Variants in RAD51 observed in about 807,000 individuals in gnomAD.
RAD51 encodes RAD51 recombinase.
In RAD51, 14 loss-of-function variants were observed where a neutral mutation model predicts 41.5. The observed-to-expected ratio is 0.34, with a 90% confidence interval of 0.22 to 0.53. The LOEUF (loss-of-function observed/expected upper bound fraction) is 0.53, where lower values mean the gene tolerates loss of function less well. RAD51 is among the 20% of genes least tolerant of loss of function. The pLI is 0.95. For synonymous variants in RAD51, 136 were observed against 148.6 expected, an observed-to-expected ratio of 0.92 and a Z score of 0.62; for missense variants, 234 against 422.0, an observed-to-expected ratio of 0.55 and a Z score of 3.90.
chr15:40,721,326 G>C (rs1384858599), intron 6 of RAD51, among the ~76,000 whole-genome samples: 2 of 152,080 alleles, frequency 1.3e-5, no homozygotes, highest in South Asian at 4.1e-4. Flanking sequence ...ACCCAGAATA[G>C]CCGAAATGTC....
rs12593359 is a variant in RAD51, at chr15:40,731,680, T to G, written c.*502T>G. ...TCTGTCTGAATGATCTTGTGTAAGG[T>G]TTTGGTTATGGAGTCTTGTGCCAAA... On this transcript the variant is annotated 3_prime_UTR_variant, in exon 10 of 10. Transcript: ENST00000267868. 0.52 allele frequency: 124,536 copies of G among 239,908 alleles called. 34,095 individuals carry two copies. The highest frequency in any genetic ancestry group is 0.83 in the East Asian group (13,978 of 16,798). 14.9% of individuals were successfully genotyped at this position (239,908 alleles called of 1,614,324 possible). A position where few individuals can be genotyped will look rare whatever the true frequency, so the allele number is the denominator to read the frequency against.
intron 6 of RAD51, among the ~76,000 whole-genome samples, chr15:40,724,669 T>A (rs1266912946): frequency 8.0e-6 from 1 of 124,632 alleles, no homozygotes; most frequent in Non-Finnish European, 1.7e-5. Flanking sequence ...CTAATTTTTT[T>A]ATTTCTTTTT....
chr15:40,729,144 G>C (rs1253597512), intron 7 of RAD51, among the ~76,000 whole-genome samples: 5 of 152,018 alleles, frequency 3.3e-5, no homozygotes, highest in Admixed American at 1.3e-4. Flanking sequence ...AGGCCAAGGC[G>C]GGTGGATCAC....
rs57056143 is a variant in RAD51 at position 40,712,077 on chromosome 15, C to CAA, written c.435+2976_435+2977dup. Among the ~76,000 whole-genome samples, 620 of 107,338 alleles carry CAA rather than the reference C, an allele frequency of 5.8e-3. 5 individuals are homozygous for CAA. The highest frequency in any genetic ancestry group is 0.025 in the East Asian group (115 of 4,558). 70.4% of individuals were successfully genotyped at this position (107,338 alleles called of 152,430 possible). On this transcript the variant is annotated intron_variant, in intron 5 of 9. Coordinates refer to ENST00000267868, the MANE Select transcript of RAD51 (RefSeq NM_002875.5). The stretch of plus-strand genomic sequence containing the variant: ...ACAGAGCAAGATTTTGTCTCCATCT[C>CAA]AAAAAAAAAAAAAAAATTAAGATCC...
chr15:40,716,427 C>T (rs1186012112), intron 5 of RAD51, among the ~76,000 whole-genome samples: 1 of 151,786 alleles, frequency 6.6e-6, no homozygotes, highest in African/African-American at 2.4e-5. Context: ...AGTGCAGTGG[C>T]ATGATATCGC....
intron 6 of RAD51, among the ~76,000 whole-genome samples, chr15:40,726,527 T>A (rs186200582): frequency 6.6e-6 from 1 of 152,084 alleles, no homozygotes; most frequent in Admixed American, 6.5e-5. Flanking sequence ...GTGCTGAGAT[T>A]ACAGGCATGA....
chr15:40,723,457 T>C (rs1896382594), intron 6 of RAD51, among the ~76,000 whole-genome samples: 1 of 152,096 alleles, frequency 6.6e-6, no homozygotes, highest in African/African-American at 2.4e-5. Context: ...TAAACAAAAT[T>C]TGTTTTCTCC....
chr15:40,727,860 C>CT (rs754071390), intron 6 of RAD51, among the ~76,000 whole-genome samples: 35,505 of 132,156 alleles, frequency 0.27, 5,833 homozygotes, highest in East Asian at 0.66. Context: ...TAAACATTCT[C>CT]TTTTTTTTTT....
chr15:40,720,851 A>G (rs1375667657), intron 6 of RAD51, among the ~76,000 whole-genome samples: 1 of 152,252 alleles, frequency 6.6e-6, no homozygotes, highest in Non-Finnish European at 1.5e-5. Flanking sequence ...AAAGAGAAGC[A>G]TTCCACATCA....
At chr15:40,716,653 ACTT>A (rs1896002435) in intron 5 of RAD51, among the ~76,000 whole-genome samples, 2 of 122,220 alleles carry the variant, frequency 1.6e-5, no homozygotes, top group Admixed American at 9.4e-5. Context: ...TGGCCTCTCT[ACTT>A]CTTTTTTTTT....
intron 2 of RAD51, 64 bp from the exon 3 acceptor site, chr15:40,701,000 A>G: frequency 3.1e-6 from 5 of 1,588,326 alleles, no homozygotes; most frequent in African/African-American, 1.3e-5. Context: ...TGTAGGACAC[A>G]TAACATCTGT....
chr15:40,706,824 GTGT>G (rs1731781316), intron 4 of RAD51, among the ~76,000 whole-genome samples: 1 of 152,146 alleles, frequency 6.6e-6, no homozygotes, highest in South Asian at 2.1e-4. Flanking sequence ...ATTTAATATT[GTGT>G]TAAGAGAGTA....
chr15:40,731,642 G>A lies in RAD51; in HGVS notation c.*464G>A. 1 of 246,274 alleles carries A rather than the reference G, an allele frequency of 4.1e-6. No individual in the cohort carries two copies. Among genetic ancestry groups the A allele is most frequent in the Non-Finnish European group, 8.0e-6 (1 of 124,484 alleles). The allele number at this position is 246,274 out of a possible 1,614,324, so 15.3% of individuals were successfully genotyped here. A position where few individuals can be genotyped will look rare whatever the true frequency, so the allele number is the denominator to read the frequency against. ...TTTCTGTCAGTAAAACTCTCAAGCA[G>A]GTTTTTAAGTTGTCTGTCTGAATGA... is the stretch of plus-strand genomic sequence containing the variant. On this transcript the variant is annotated 3_prime_UTR_variant, in exon 10 of 10. Coordinates refer to ENST00000267868, the MANE Select transcript of RAD51 (RefSeq NM_002875.5).
intron 5 of RAD51, among the ~76,000 whole-genome samples, chr15:40,713,810 A>G (rs569670506): frequency 6.6e-6 from 1 of 151,108 alleles, no homozygotes; most frequent in East Asian, 2.0e-4. Flanking sequence ...TTTTCACCGT[A>G]TTAGCCAGGA....
chr15:40,720,572 G>A (rs45571032), intron 6 of RAD51, among the ~76,000 whole-genome samples: 3,996 of 152,196 alleles, frequency 0.026, 170 homozygotes, highest in African/African-American at 0.092. Flanking sequence ...GGTGCCATAT[G>A]TAGAAAATCC....
At chr15:40,701,839 A>G in intron 3 of RAD51, 1 of 336,524 alleles carries the variant, frequency 3.0e-6, no homozygotes, top group Non-Finnish European at 5.7e-6. Context: ...GCTGGAGTGC[A>G]ATAGCGTGAT....
At chr15:40,726,621 A>C (rs543304282) in intron 6 of RAD51, among the ~76,000 whole-genome samples, 2 of 151,628 alleles carry the variant, frequency 1.3e-5, no homozygotes, top group South Asian at 4.2e-4. Flanking sequence ...ACACTATGAA[A>C]GAGGATGCTA....
At chr15:40,723,848 T>C (rs967635030) in intron 6 of RAD51, among the ~76,000 whole-genome samples, 11 of 152,186 alleles carry the variant, frequency 7.2e-5, no homozygotes, top group South Asian at 4.1e-4. Context: ...GAAGAGTTTG[T>C]AAGTTTCTAT....
At chr15:40,716,188 C>T (rs144484305) in intron 5 of RAD51, among the ~76,000 whole-genome samples, 186 of 152,222 alleles carry the variant, frequency 1.2e-3, no homozygotes, top group African/African-American at 4.3e-3. Context: ...GTTTTTAAAA[C>T]AATCCCATAA....
Sources: gnomAD v4.1 joint callset for allele counts (sites outside exome capture counted in the v4.1 genomes callset) on GRCh38, gnomAD v4.1.1 for gene constraint, MANE v1.5 for transcripts, NCBI Gene and HGNC (gene_info 2026-07-23, HGNC 2026-07-21) for gene names.